CDC42EP3: variants seen among roughly 807,000 people sequenced by gnomAD.
The protein encoded by CDC42EP3 is CDC42 effector protein 3.
Under a neutral mutation model 15.5 loss-of-function variants are expected in CDC42EP3, and 4 were observed. The ratio of observed to expected loss-of-function variants is 0.26; its 90% CI spans 0.13 to 0.59. The LOEUF is 0.59. CDC42EP3 is among the 20% of genes least tolerant of loss of function. The pLI is 0.89. For missense variants in CDC42EP3, 309 were observed against 311.2 expected (o/e 0.99, Z 0.05); for synonymous variants, 145 against 130.3 (o/e 1.11, Z -0.77).
At chr2:37,663,865 C>A (rs182490526) in intron 1 of CDC42EP3, among the ~76,000 whole-genome samples, 1 of 152,102 alleles carries the variant, frequency 6.6e-6, no homozygotes, top group African/African-American at 2.4e-5. Flanking sequence ...CAGCTGCCAG[C>A]GTGGCTAGGA....
chr2:37,672,448 G>A (rs951208840), upstream of CDC42EP3: 3 of 152,174 alleles, frequency 2.0e-5, no homozygotes, highest in Admixed American at 6.5e-5. Flanking sequence ...GCGCGACGAG[G>A]CGCAAGTGGC....
At chr2:37,660,599 A>T (rs1339510238) in intron 1 of CDC42EP3, among the ~76,000 whole-genome samples, 23 of 152,162 alleles carry the variant, frequency 1.5e-4, no homozygotes, top group Non-Finnish European at 2.4e-4. Context: ...CTGTTGACCC[A>T]CTTACTTTAT....
chr2:37,646,566 A>T lies in CDC42EP3; in HGVS notation c.22T>A (p.Tyr8Asn), dbSNP rs1363831820. MPAKTPIYLKAANNKKGK... is the reference protein window; with the variant it reads MPAKTPINLKAANNKKGK... Reference sequence around the variant, plus strand: ...TTCTTGTTATTGGCTGCTTTCAGGTAAATTGGGGTCTTGGCTGGCATTTTG... The same window carrying T: ...TTCTTGTTATTGGCTGCTTTCAGGTTAATTGGGGTCTTGGCTGGCATTTTG... The change falls in exon 2 of 2, where the codon TAC (tyrosine) becomes AAC (asparagine). Residue 8 changes from tyrosine to asparagine, a missense_variant. Coordinates refer to ENST00000295324, the MANE Select transcript of CDC42EP3 (RefSeq NM_006449.5). 6.5e-7 allele frequency: 1 copy of T among 1,548,484 alleles called. No homozygotes were observed. Among genetic ancestry groups the T allele is most frequent in the Non-Finnish European group, 8.7e-7 (1 of 1,151,312 alleles).
intron 1 of CDC42EP3, among the ~76,000 whole-genome samples, chr2:37,648,600 A>C (rs904002513): frequency 1.3e-5 from 2 of 152,200 alleles, no homozygotes; most frequent in African/African-American, 4.8e-5. Flanking sequence ...GGGTATGGGG[A>C]GGAGGCAGAG....
At position 37,643,562 on chromosome 2, in the gene CDC42EP3, C is replaced by A. The variant is rs1269581369; in HGVS notation, c.*2261G>T. The A allele has an allele frequency of 6.6e-6, 1 of 152,158 alleles. No individual in the cohort carries two copies. The highest frequency in any genetic ancestry group is 2.4e-5 in the African/African-American group (1 of 41,430). 9.4% of individuals were successfully genotyped at this position (152,158 alleles called of 1,614,324 possible). The stretch of plus-strand genomic sequence containing the variant: ...GGGCTGTTCTCTCCCCAGTACTTAC[C>A]AGAGAGGGAGTAGAGCTAATGCACA... On this transcript the variant is annotated 3_prime_UTR_variant, in exon 2 of 2. Coordinates refer to ENST00000295324, the MANE Select transcript of CDC42EP3 (RefSeq NM_006449.5).
intron 1 of CDC42EP3, among the ~76,000 whole-genome samples, chr2:37,666,263 T>C (rs1201559581): frequency 6.6e-6 from 1 of 152,196 alleles, no homozygotes; most frequent in African/African-American, 2.4e-5. Flanking sequence ...TTTGAGAAAC[T>C]CTGGACACGA....
intron 1 of CDC42EP3, among the ~76,000 whole-genome samples, chr2:37,654,548 A>G (rs1194094182): frequency 6.6e-6 from 1 of 150,810 alleles, no homozygotes; most frequent in Non-Finnish European, 1.5e-5. Flanking sequence ...TGGGGTGGGG[A>G]GGGGACAGCA....
rs144192922 is a variant in CDC42EP3 at position 37,658,226 on chromosome 2, C to T, written c.-235-11404G>A. Among the ~76,000 whole-genome samples the T allele has an allele frequency of 1.0e-3, 153 of 152,340 alleles. 1 individual carries two copies. The highest frequency in any genetic ancestry group is 3.6e-3 in the African/African-American group (149 of 41,582). ...CAGTGCTACTCAAAGTGGGTTCATA[C>T]AGTCCATGATGAGATAAGAACAGAA... On this transcript the variant is annotated intron_variant, in intron 1 of 1. Transcript: ENST00000295324.
At chr2:37,669,859 T>C (rs1052259929) in intron 1 of CDC42EP3, among the ~76,000 whole-genome samples, 2 of 152,242 alleles carry the variant, frequency 1.3e-5, no homozygotes, top group African/African-American at 4.8e-5. Context: ...AGAAAGGGCC[T>C]TTATCATTTA....
chr2:37,653,265 C>A (rs1244993069), intron 1 of CDC42EP3, among the ~76,000 whole-genome samples: 4 of 152,114 alleles, frequency 2.6e-5, no homozygotes, highest in African/African-American at 9.7e-5. Context: ...CGGACATGCT[C>A]CCTTACAGGT....
chr2:37,657,612 A>AG (rs1665911477), intron 1 of CDC42EP3, among the ~76,000 whole-genome samples: 1 of 152,194 alleles, frequency 6.6e-6, no homozygotes. Flanking sequence ...CCTTAAGTCA[A>AG]GGGTCTACAA....
intron 1 of CDC42EP3, among the ~76,000 whole-genome samples, chr2:37,660,516 C>T (rs1156230920): frequency 1.3e-5 from 2 of 152,184 alleles, no homozygotes; most frequent in African/African-American, 4.8e-5. Flanking sequence ...AACTTGGGAT[C>T]TCTTACAGTA....
chr2:37,654,291 G>T (rs946415062), intron 1 of CDC42EP3, among the ~76,000 whole-genome samples: 6 of 152,172 alleles, frequency 3.9e-5, no homozygotes, highest in African/African-American at 1.4e-4. Flanking sequence ...TGTTCAGAGG[G>T]AGGCAAATGG....
chr2:37,655,249 T>A (rs774866668), intron 1 of CDC42EP3, among the ~76,000 whole-genome samples: 1 of 152,222 alleles, frequency 6.6e-6, no homozygotes, highest in South Asian at 2.1e-4. Context: ...GTCTGATACA[T>A]CTCACCTTCC....
At chr2:37,652,592 A>G (rs1409062151) in intron 1 of CDC42EP3, among the ~76,000 whole-genome samples, 8 of 152,070 alleles carry the variant, frequency 5.3e-5, no homozygotes. Flanking sequence ...CCAAGGGTCA[A>G]GTCATGTGGT....
intron 1 of CDC42EP3, among the ~76,000 whole-genome samples, chr2:37,651,410 TTAGGTCC>T (rs1247051503): frequency 2.0e-5 from 3 of 152,220 alleles, no homozygotes; most frequent in Non-Finnish European, 4.4e-5. Context: ...TACATGGCTG[TTAGGTCC>T]TGAAAAGCCT....
chr2:37,644,732 G>C lies in CDC42EP3; in HGVS notation c.*1091C>G, dbSNP rs1665388924. 1 of 152,036 alleles carries C rather than the reference G, an allele frequency of 6.6e-6. No homozygotes were observed. The highest frequency in any genetic ancestry group is 2.4e-5 in the African/African-American group (1 of 41,376). 9.4% of individuals were successfully genotyped at this position (152,036 alleles called of 1,614,324 possible). ...GAAGTAATCAAAATGAGAGTAGATG[G>C]AAATCATCTCTTACCTTAAGGGCTC... On this transcript the variant is annotated 3_prime_UTR_variant, in exon 2 of 2. Transcript: ENST00000295324.
chr2:37,659,747 TG>T (rs1665997079), intron 1 of CDC42EP3, among the ~76,000 whole-genome samples: 1 of 152,166 alleles, frequency 6.6e-6, no homozygotes, highest in Admixed American at 6.5e-5. Flanking sequence ...TGGCCTAAAA[TG>T]TACAAGGAAA....
chr2:37,662,689 C>A (rs113738749), intron 1 of CDC42EP3, among the ~76,000 whole-genome samples: 1 of 152,296 alleles, frequency 6.6e-6, no homozygotes, highest in African/African-American at 2.4e-5. Context: ...TAAAACAAAT[C>A]CCCATCACCA....
Sources: gnomAD v4.1 joint callset for allele counts (sites outside exome capture counted in the v4.1 genomes callset) on GRCh38, gnomAD v4.1.1 for gene constraint, MANE v1.5 for transcripts, NCBI Gene and HGNC (gene_info 2026-07-23, HGNC 2026-07-21) for gene names.